Variants in ALK observed in about 807,000 individuals in gnomAD.
ALK encodes ALK tyrosine kinase receptor.
ALK carries 74 observed loss-of-function variants against 163.1 expected under a neutral mutation model. The ratio of observed to expected loss-of-function variants is 0.45; its 90% CI spans 0.38 to 0.55. The LOEUF is 0.55. ALK is among the 20% of genes least tolerant of loss of function. The pLI, the probability that ALK is intolerant of heterozygous loss-of-function variation, is 0.00. For synonymous variants in ALK, 960 were observed against 843.2 expected, an observed-to-expected ratio of 1.14 and a Z score of -2.40; for missense variants, 2,063 against 2,105.3, an observed-to-expected ratio of 0.98 and a Z score of 0.39.
Position 29,361,636 on chromosome 2 carries a change from T to A in ALK, c.1282+22096A>T, listed in dbSNP as rs565500374. ...TCTGGTGCTAGGGCTTCCCAAGTTG[T>A]AAGGCTGGGACAGGCGATCCCTGTG... is the stretch of plus-strand genomic sequence containing the variant. On this transcript the variant is annotated intron_variant, in intron 5 of 28. Coordinates refer to ENST00000389048, the MANE Select transcript of ALK (RefSeq NM_004304.5). Among the ~76,000 whole-genome samples the A allele has an allele frequency of 5.9e-4, 90 of 152,328 alleles. No individual in the cohort carries two copies. In the Middle Eastern group the frequency reaches 0.02, roughly 35 times the overall value.
At chr2:29,850,121 G>A (rs577994737) in intron 1 of ALK, among the ~76,000 whole-genome samples, 25 of 152,264 alleles carry the variant, frequency 1.6e-4, no homozygotes, top group South Asian at 1.0e-3. Context: ...GTGTATACAC[G>A]TCACCTGATG....
In ALK at chr2:29,422,217, C is replaced by G. The variant is rs975009723; in HGVS notation, c.1155-38358G>C. 7.3e-5 allele frequency among the ~76,000 whole-genome samples: 11 copies of G among 151,070 alleles called. 1 individual carries two copies. Among genetic ancestry groups the G allele is most frequent in the African/African-American group, 2.7e-4 (11 of 40,382 alleles). On this transcript the variant is annotated intron_variant, in intron 4 of 28. Coordinates refer to ENST00000389048, the MANE Select transcript of ALK (RefSeq NM_004304.5). ...AGTCTTCAAAGAACTTTAATGATAT[C>G]AAAGTCATTTTTGGAAGAACCTAAC...
At chr2:29,365,532 G>T (rs1668483323) in intron 5 of ALK, among the ~76,000 whole-genome samples, 1 of 152,184 alleles carries the variant, frequency 6.6e-6, no homozygotes, top group South Asian at 2.1e-4. Context: ...ACCTTGTGCA[G>T]GAAAAAGACA....
At chr2:29,371,610 T>C (rs1038160414) in intron 5 of ALK, among the ~76,000 whole-genome samples, 1 of 152,238 alleles carries the variant, frequency 6.6e-6, no homozygotes, top group Non-Finnish European at 1.5e-5. Context: ...TTATGATACT[T>C]TAGGCCAATC....
intron 1 of ALK, among the ~76,000 whole-genome samples, chr2:29,741,265 A>G (rs1680051153): frequency 2.0e-5 from 3 of 152,180 alleles, no homozygotes; most frequent in Non-Finnish European, 4.4e-5. Flanking sequence ...CTATGATACT[A>G]TAACGGTGAG....
At chr2:29,194,646 T>G (rs928752584) in intron 28 of ALK, among the ~76,000 whole-genome samples, 2 of 148,546 alleles carry the variant, frequency 1.3e-5, no homozygotes, top group African/African-American at 5.0e-5. Context: ...ATTACAGGCA[T>G]GCACCCCACC....
intron 3 of ALK, among the ~76,000 whole-genome samples, chr2:29,670,503 T>C (rs570462266): frequency 6.6e-6 from 1 of 152,158 alleles, no homozygotes; most frequent in African/African-American, 2.4e-5. Context: ...TGTGGTCTTA[T>C]TTGGGTTGAT....
intron 4 of ALK, among the ~76,000 whole-genome samples, chr2:29,396,836 G>GTTTTT (rs10654058): frequency 0.019 from 881 of 46,568 alleles, 217 homozygotes; most frequent in African/African-American, 0.078. Flanking sequence ...TGTTACTATG[G>GTTTTT]TTTTTTTTTT....
chr2:29,594,894 T>TGGGGGGGGG (rs1170679687), intron 3 of ALK, among the ~76,000 whole-genome samples: 1 of 20,630 alleles, frequency 4.8e-5, no homozygotes, highest in Non-Finnish European at 8.6e-5. Flanking sequence ...TAAACAAAAA[T>TGGGGGGGGG]GGGGGGTGGG....
chr2:29,793,471 T>C (rs1664235908), intron 1 of ALK, among the ~76,000 whole-genome samples: 1 of 152,168 alleles, frequency 6.6e-6, no homozygotes, highest in Non-Finnish European at 1.5e-5. Context: ...GAGTAGTGAA[T>C]CCTTTCCAGA....
chr2:29,523,253 C>T (rs375943065), intron 4 of ALK, among the ~76,000 whole-genome samples: 4 of 152,186 alleles, frequency 2.6e-5, no homozygotes, highest in African/African-American at 9.7e-5. Context: ...ACACCCCTTG[C>T]CCCTGCAGAG....
At chr2:29,837,860 C>T (rs1319131061) in intron 1 of ALK, among the ~76,000 whole-genome samples, 1 of 152,076 alleles carries the variant, frequency 6.6e-6, no homozygotes, top group Non-Finnish European at 1.5e-5. Flanking sequence ...GAAGAAAAGC[C>T]AGTCAATAGA....
chr2:29,303,869 C>T (rs151144930), intron 8 of ALK, among the ~76,000 whole-genome samples: 9 of 152,252 alleles, frequency 5.9e-5, no homozygotes, highest in Non-Finnish European at 1.2e-4. Flanking sequence ...ACAATAGATA[C>T]TGGGGACTCT....
intron 1 of ALK, among the ~76,000 whole-genome samples, chr2:29,771,765 A>G: frequency 6.6e-6 from 1 of 151,160 alleles, no homozygotes. Flanking sequence ...CGATTGCCTG[A>G]CCTCGTGATC....
chr2:29,841,297 G>GTT (rs1468716402), intron 1 of ALK, among the ~76,000 whole-genome samples: 1 of 152,178 alleles, frequency 6.6e-6, no homozygotes, highest in African/African-American at 2.4e-5. Context: ...ACATGCAAGT[G>GTT]TTTTATAAAG....
chr2:29,344,953 G>A (rs1667901983), intron 5 of ALK, among the ~76,000 whole-genome samples: 1 of 152,208 alleles, frequency 6.6e-6, no homozygotes, highest in South Asian at 2.1e-4. Context: ...ACTTTAGTAT[G>A]AGCTGTGTGA....
At chr2:29,583,940 C>G (rs1263868254) in intron 3 of ALK, among the ~76,000 whole-genome samples, 4 of 152,056 alleles carry the variant, frequency 2.6e-5, no homozygotes, top group Non-Finnish European at 5.9e-5. Flanking sequence ...ACAGTCACCA[C>G]TTTCTCCAGC....
intron 3 of ALK, among the ~76,000 whole-genome samples, chr2:29,688,676 A>G (rs1678306183): frequency 1.3e-5 from 2 of 152,114 alleles, no homozygotes; most frequent in South Asian, 4.1e-4. Flanking sequence ...AGAAAGGAAT[A>G]TTGTTCTGCC....
chr2:29,261,232 T>C (rs535401850), intron 11 of ALK, among the ~76,000 whole-genome samples: 82 of 152,332 alleles, frequency 5.4e-4, no homozygotes, highest in African/African-American at 1.8e-3. Flanking sequence ...GCTGATACCA[T>C]GCAGGTCTTG....
Sources: allele counts gnomAD v4.1 joint callset (sites outside exome capture counted in the v4.1 genomes callset), GRCh38; gene constraint gnomAD v4.1.1; transcripts MANE v1.5; gene names NCBI Gene and HGNC (gene_info 2026-07-23, HGNC 2026-07-21).